The following BCL11A variants were observed in gnomAD, a reference collection of about 807,000 sequenced individuals.
BCL11A encodes the protein B cell CLL/lymphoma 11A.
Under a neutral mutation model 55.9 loss-of-function variants are expected in BCL11A, and 2 were observed. The observed-to-expected ratio is 0.04, with a 90% CI of 0.01 to 0.11. The LOEUF (loss-of-function observed/expected upper bound fraction) is 0.11. Ranked by LOEUF, BCL11A falls within the 10% of genes least tolerant of loss-of-function variation. The pLI is 1.00. For synonymous variants in BCL11A, 465 were observed against 473.4 expected, an observed-to-expected ratio of 0.98 and a Z score of 0.23; for missense variants, 817 against 1,137.1, an observed-to-expected ratio of 0.72 and a Z score of 4.05.
chr2:60,477,184 A>G (rs1677657486), intron 2 of BCL11A, among the ~76,000 whole-genome samples: 1 of 152,228 alleles, frequency 6.6e-6, no homozygotes. Flanking sequence ...CGCATTTTCA[A>G]CTGAGCATTC....
intron 2 of BCL11A, among the ~76,000 whole-genome samples, chr2:60,500,146 G>C (rs1041333510): frequency 9.2e-5 from 14 of 152,366 alleles, no homozygotes; most frequent in African/African-American, 3.4e-4. Flanking sequence ...TGGGCACTGA[G>C]GGCTAGGGTG....
intron 2 of BCL11A, chr2:60,544,151 G>A (rs988247948): frequency 6.6e-6 from 1 of 152,202 alleles, no homozygotes; most frequent in Non-Finnish European, 1.5e-5. Context: ...AAGAAGTGTG[G>A]TTTTAATTCT....
At chr2:60,505,351 C>A (rs2104436129) in intron 2 of BCL11A, among the ~76,000 whole-genome samples, 1 of 152,302 alleles carries the variant, frequency 6.6e-6, no homozygotes, top group Middle Eastern at 3.4e-3. Flanking sequence ...TAATAACAGC[C>A]CCAAAAGAAC....
At chr2:60,520,866 G>A (rs1036659958) in intron 2 of BCL11A, among the ~76,000 whole-genome samples, 9 of 152,016 alleles carry the variant, frequency 5.9e-5, no homozygotes, top group African/African-American at 1.7e-4. Flanking sequence ...CGGTGTTTTC[G>A]TGCAAGCTTA....
chr2:60,458,310 C>T lies in BCL11A; in HGVS notation c.*2094G>A. 9.8e-7 allele frequency: 1 copy of T among 1,025,480 alleles called. No individual in the cohort carries two copies. The allele number at this position is 1,025,480 out of a possible 1,614,324, so 63.5% of individuals were successfully genotyped here. A position where few individuals can be genotyped will look rare whatever the true frequency, so the allele number is the denominator to read the frequency against. Reference sequence around the variant, plus strand: ...TTACAACCTGAAGAGCGGTGTGTATCCAAGGCATAGAATTTCCACTACCAT... The same window carrying T: ...TTACAACCTGAAGAGCGGTGTGTATTCAAGGCATAGAATTTCCACTACCAT... On this transcript the variant is annotated 3_prime_UTR_variant, in exon 4 of 4. Coordinates refer to ENST00000642384, the MANE Select transcript of BCL11A (RefSeq NM_022893.4).
In BCL11A at chr2:60,459,963, C is replaced by A. The variant is rs562096198; in HGVS notation, c.*441G>T. 39 of 1,064,030 alleles carry A rather than the reference C, an allele frequency of 3.7e-5. No individual in the cohort carries two copies. Among genetic ancestry groups the A allele is most frequent in the Non-Finnish European group, 4.1e-5 (36 of 878,788 alleles). The allele number at this position is 1,064,030 out of a possible 1,614,324, so 65.9% of individuals were successfully genotyped here. A position where few individuals can be genotyped will look rare whatever the true frequency, so the allele number is the denominator to read the frequency against. ...CTCTCTCTCTCTTTTTCTCTCAGAA[C>A]GGAACTGGAAACAGCAACATGTTTG... is the stretch of plus-strand genomic sequence containing the variant. On this transcript the variant is annotated 3_prime_UTR_variant, in exon 4 of 4. Coordinates refer to ENST00000642384, the MANE Select transcript of BCL11A (RefSeq NM_022893.4).
At position 60,546,833 on chromosome 2, in the gene BCL11A, A is replaced by G. The variant is rs1386019395; in HGVS notation, c.56-533T>C. On this transcript the variant is annotated intron_variant, in intron 1 of 3. Transcript: ENST00000642384. The surrounding 1 kb of genome is among the most constrained non-coding windows in gnomAD (Gnocchi z 4.1). ...AATGTATATACTCCTAAGTAAACAG[A>G]CATGGCTTCATAAATTAGAAAGCTA... Among the ~76,000 whole-genome samples the G allele has an allele frequency of 1.3e-5, 2 of 152,248 alleles. No homozygotes were observed. Among genetic ancestry groups the G allele is most frequent in the African/African-American group, 4.8e-5 (2 of 41,468 alleles).
intron 2 of BCL11A, among the ~76,000 whole-genome samples, chr2:60,479,394 AT>A (rs1677820983): frequency 6.6e-6 from 1 of 152,224 alleles, no homozygotes; most frequent in Admixed American, 6.5e-5. Flanking sequence ...CAGGTCTAGC[AT>A]TTCCACGCAG....
rs981434539 is a variant in BCL11A at position 60,457,813 on chromosome 2, C to T, written c.*2591G>A. ...CGTTATTAGCTTGCAGTACTGCATA[C>T]AGTATGGCAGCAGGAAAAAGGAACA... On this transcript the variant is annotated 3_prime_UTR_variant, in exon 4 of 4. Transcript: ENST00000642384. 1 of 1,046,184 alleles carries T rather than the reference C, an allele frequency of 9.6e-7. No individual in the cohort carries two copies. Among genetic ancestry groups the T allele is most frequent in the Non-Finnish European group, 1.2e-6 (1 of 867,378 alleles). The allele number at this position is 1,046,184 out of a possible 1,614,324, so 64.8% of individuals were successfully genotyped here.
At chr2:60,517,893 T>C (rs907337961) in intron 2 of BCL11A, among the ~76,000 whole-genome samples, 1 of 152,268 alleles carries the variant, frequency 6.6e-6, no homozygotes, top group South Asian at 2.1e-4. Context: ...AGAGCTGTGC[T>C]TTCTTCTATG....
chr2:60,511,578 G>A (rs1443086600), intron 2 of BCL11A, among the ~76,000 whole-genome samples: 1 of 151,782 alleles, frequency 6.6e-6, no homozygotes, highest in African/African-American at 2.4e-5. Flanking sequence ...TAAGTTAACA[G>A]AGCGCTAATC....
intron 1 of BCL11A, among the ~76,000 whole-genome samples, chr2:60,552,456 G>A (rs1320012905): frequency 2.0e-5 from 3 of 151,988 alleles, no homozygotes; most frequent in African/African-American, 7.2e-5. Flanking sequence ...GGGAGGGCAA[G>A]CGCGAGGAGC....
chr2:60,452,327 GC>G (rs1675756998), downstream of BCL11A: 6 of 414,340 alleles, frequency 1.4e-5, no homozygotes, highest in Admixed American at 7.6e-5. Context: ...TGGTCCACGG[GC>G]CCTCTCTATG....
chr2:60,467,070 C>T lies in BCL11A; in HGVS notation c.487+1662G>A, dbSNP rs1023073781. Among the ~76,000 whole-genome samples the T allele has an allele frequency of 8.7e-4, 115 of 132,558 alleles. 1 individual carries two copies. Among genetic ancestry groups the T allele is most frequent in the African/African-American group, 3.1e-3 (110 of 35,484 alleles). 87.0% of individuals were successfully genotyped at this position (132,558 alleles called of 152,430 possible). A position where few individuals can be genotyped will look rare whatever the true frequency, so the allele number is the denominator to read the frequency against. ...CACTTGAACAAGTAAATGGTGGTGG[C>T]AGTGGTGGTGGTGGTGGTGGTGGTG... On this transcript the variant is annotated intron_variant, in intron 3 of 3. Transcript: ENST00000642384.
intron 2 of BCL11A, among the ~76,000 whole-genome samples, chr2:60,471,068 C>T (rs1011320361): frequency 1.3e-5 from 2 of 152,186 alleles, no homozygotes; most frequent in Non-Finnish European, 2.9e-5. Context: ...TTCTACTGAT[C>T]CATTAAGCAG....
chr2:60,527,777 G>C (rs1007279867), intron 2 of BCL11A: 1 of 152,262 alleles, frequency 6.6e-6, no homozygotes, highest in Non-Finnish European at 1.5e-5. Flanking sequence ...AATTCTCTCA[G>C]TGGAGGTCTA....
At chr2:60,494,118 G>A (rs1231071887) in intron 2 of BCL11A, among the ~76,000 whole-genome samples, 1 of 152,146 alleles carries the variant, frequency 6.6e-6, no homozygotes, top group Non-Finnish European at 1.5e-5. Context: ...AGAAAGTGAA[G>A]CCCCATGGGT....
At chr2:60,518,764 G>C (rs1668845825) in intron 2 of BCL11A, among the ~76,000 whole-genome samples, 1 of 152,184 alleles carries the variant, frequency 6.6e-6, no homozygotes, top group Non-Finnish European at 1.5e-5. Flanking sequence ...GCATTCCTGG[G>C]GGCCGGGCGT....
At position 60,460,052 on chromosome 2, in the gene BCL11A, A is replaced by T. The variant is rs1441487239; in HGVS notation, c.*352T>A. On this transcript the variant is annotated 3_prime_UTR_variant, in exon 4 of 4. Transcript: ENST00000642384. Reference sequence around the variant, plus strand: ...CATACCATACATGCTGTCTAAGTTTAAAAAAAAACATACACAACATGTAAA... The same window carrying T: ...CATACCATACATGCTGTCTAAGTTTTAAAAAAAACATACACAACATGTAAA... The T allele has an allele frequency of 1.3e-5, 14 of 1,078,140 alleles. No individual in the cohort carries two copies. Among genetic ancestry groups the T allele is most frequent in the Non-Finnish European group, 1.5e-5 (13 of 887,876 alleles). The allele number at this position is 1,078,140 out of a possible 1,614,324, so 66.8% of individuals were successfully genotyped here.
Sources: gnomAD v4.1 joint callset for allele counts (sites outside exome capture counted in the v4.1 genomes callset) on GRCh38, gnomAD v4.1.1 for gene constraint, Gnocchi (gnomAD v3.1) non-coding constraint, MANE v1.5 for transcripts, NCBI Gene and HGNC (gene_info 2026-07-23, HGNC 2026-07-21) for gene names.